CBLN2: variants seen among roughly 807,000 people sequenced by gnomAD.
CBLN2 encodes the protein cerebellin 2 precursor, also known as cerebellin-2.
In CBLN2, 7 loss-of-function variants were observed where a neutral mutation model predicts 15.0. That is an observed-to-expected ratio of 0.47 (90% CI 0.27 to 0.88). The LOEUF is 0.88. Among genes scored for constraint, CBLN2 ranks in the 40% least tolerant of loss-of-function variants. The pLI, the probability that CBLN2 is intolerant of heterozygous loss-of-function variation, is 0.14. For synonymous variants in CBLN2, 149 were observed against 135.2 expected (o/e 1.10, Z -0.71); for missense variants, 242 against 304.5 (o/e 0.79, Z 1.53).
chr18:72,568,814 G>A (rs2069312766), intron 1 of CBLN2, among the ~76,000 whole-genome samples: 1 of 152,130 alleles, frequency 6.6e-6, no homozygotes. Flanking sequence ...GTGCTACAAT[G>A]CAGGGTTTGA....
At chr18:72,557,904 G>T (rs184931949) in intron 1 of CBLN2, among the ~76,000 whole-genome samples, 1 of 152,208 alleles carries the variant, frequency 6.6e-6, no homozygotes, top group African/African-American at 2.4e-5. Context: ...ATGTACACTG[G>T]AACTTAAAAT....
intron 1 of CBLN2, among the ~76,000 whole-genome samples, chr18:72,553,191 C>T (rs1276099468): frequency 6.6e-6 from 1 of 152,166 alleles, no homozygotes; most frequent in Non-Finnish European, 1.5e-5. Flanking sequence ...CTGGGCTTCA[C>T]TACTCTGATT....
intron 1 of CBLN2, among the ~76,000 whole-genome samples, chr18:72,609,089 G>A (rs2069603774): frequency 2.0e-5 from 3 of 152,252 alleles, no homozygotes; most frequent in African/African-American, 7.2e-5. Context: ...CCCATATCAG[G>A]CCTCAACAGA....
intron 1 of CBLN2, among the ~76,000 whole-genome samples, chr18:72,616,047 G>C (rs1230168805): frequency 1.3e-5 from 2 of 152,070 alleles, no homozygotes; most frequent in Non-Finnish European, 2.9e-5. Context: ...GTTTCCTCTT[G>C]TTTCAAACAC....
intron 1 of CBLN2, among the ~76,000 whole-genome samples, chr18:72,631,516 C>T (rs936133430): frequency 6.6e-6 from 1 of 152,042 alleles, no homozygotes; most frequent in Non-Finnish European, 1.5e-5. Flanking sequence ...ATCCACAAAG[C>T]ACTTTCTGGA....
chr18:72,621,597 G>C (rs970964104), intron 1 of CBLN2, among the ~76,000 whole-genome samples: 3 of 152,036 alleles, frequency 2.0e-5, no homozygotes, highest in Non-Finnish European at 4.4e-5. Context: ...ATCTCATCAG[G>C]CCTTGCACTT....
intron 1 of CBLN2, among the ~76,000 whole-genome samples, chr18:72,568,520 C>G (rs1489993893): frequency 6.6e-6 from 1 of 151,114 alleles, no homozygotes; most frequent in Non-Finnish European, 1.5e-5. Flanking sequence ...GCAAGCCAGT[C>G]TTTAAAGTAA....
intron 1 of CBLN2, among the ~76,000 whole-genome samples, chr18:72,629,666 T>C (rs548990916): frequency 6.6e-6 from 1 of 152,248 alleles, no homozygotes; most frequent in East Asian, 1.9e-4. Flanking sequence ...CAAAACATCT[T>C]GTTATTTGCA....
intron 1 of CBLN2, among the ~76,000 whole-genome samples, chr18:72,610,300 G>A (rs532881291): frequency 6.6e-6 from 1 of 152,014 alleles, no homozygotes; most frequent in Non-Finnish European, 1.5e-5. Context: ...CTGTTCTCTA[G>A]GGTACCTACC....
intron 1 of CBLN2, among the ~76,000 whole-genome samples, chr18:72,572,066 G>A (rs974600413): frequency 6.6e-6 from 1 of 152,064 alleles, no homozygotes; most frequent in African/African-American, 2.4e-5. Flanking sequence ...TACCATAGAG[G>A]CTTTTGCATC....
At chr18:72,587,867 A>G (rs893912075) in intron 1 of CBLN2, among the ~76,000 whole-genome samples, 3 of 152,200 alleles carry the variant, frequency 2.0e-5, no homozygotes, top group South Asian at 2.1e-4. Context: ...ATAACAATGA[A>G]ATAGATAATC....
chr18:72,638,463 T>C, exon 1 of CBLN2: 1 of 397,110 alleles, frequency 2.5e-6, no homozygotes, highest in East Asian at 3.6e-5. Context: ...AGACTTGTTA[T>C]CCTCACTGAC....
In CBLN2 at chr18:72,543,350, C is replaced by T; in HGVS notation, c.-167+136G>A. ...GCTCTTGATAAATATCCGCTGTCCG[C>T]AGCCCCGATCCTACATGATTTCCCT... On this transcript the variant is annotated intron_variant, in intron 2 of 4. Transcript: ENST00000269503. The surrounding 1 kb of genome is among the most constrained non-coding windows in gnomAD (Gnocchi z 6.8). 2.5e-6 allele frequency: 1 copy of T among 392,758 alleles called. No homozygotes were observed. Among genetic ancestry groups the T allele is most frequent in the Non-Finnish European group, 4.5e-6 (1 of 222,346 alleles). 24.3% of individuals were successfully genotyped at this position (392,758 alleles called of 1,614,324 possible).
chr18:72,540,641 A>G (rs1163941287), intron 3 of CBLN2, among the ~76,000 whole-genome samples: 1 of 152,230 alleles, frequency 6.6e-6, no homozygotes, highest in African/African-American at 2.4e-5. Context: ...CATTTTGTAA[A>G]TAAAAATGAA....
chr18:72,605,599 C>A (rs1035002901), intron 1 of CBLN2, among the ~76,000 whole-genome samples: 1 of 152,290 alleles, frequency 6.6e-6, no homozygotes, highest in African/African-American at 2.4e-5. Context: ...AAAGATAAGT[C>A]AAACAATGGA....
chr18:72,607,695 T>TCTCTCTC (rs1568130257), intron 1 of CBLN2, among the ~76,000 whole-genome samples: 7 of 115,112 alleles, frequency 6.1e-5, no homozygotes, highest in Middle Eastern at 4.0e-3. Context: ...CTCTCTCTCT[T>TCTCTCTC]TCTCTCTTTC....
At chr18:72,538,565 C>G (rs2069086004) in intron 4 of CBLN2, 88 bp downstream of exon 4, 1 of 1,560,920 alleles carries the variant, frequency 6.4e-7, no homozygotes, top group Non-Finnish European at 8.8e-7. Context: ...CCCTGTCTCC[C>G]TCAGCCTCAG....
At chr18:72,637,291 AAATGG>A (rs2069820044) in intron 1 of CBLN2, among the ~76,000 whole-genome samples, 1 of 146,962 alleles carries the variant, frequency 6.8e-6, no homozygotes, top group African/African-American at 2.5e-5. Flanking sequence ...CAAAAAAAAA[AAATGG>A]CCCTCCTACG....
intron 1 of CBLN2, among the ~76,000 whole-genome samples, chr18:72,629,978 A>C (rs1465272354): frequency 3.9e-5 from 6 of 152,212 alleles, no homozygotes; most frequent in Admixed American, 3.9e-4. Context: ...CCAAAGTGGA[A>C]GTTATAAAAT....
Sources: gnomAD v4.1 joint callset for allele counts (sites outside exome capture counted in the v4.1 genomes callset) on GRCh38, gnomAD v4.1.1 for gene constraint, Gnocchi (gnomAD v3.1) non-coding constraint, MANE v1.5 for transcripts, NCBI Gene and HGNC (gene_info 2026-07-23, HGNC 2026-07-21) for gene names.